Variants in FARP1 observed in about 807,000 individuals in gnomAD.
The protein encoded by FARP1 is FERM, ARHGEF and pleckstrin domain-containing protein 1.
In FARP1, 52 loss-of-function variants were observed where a neutral mutation model predicts 128.8. That is an observed-to-expected ratio of 0.40 (90% CI 0.32 to 0.51). The LOEUF is 0.51. Ranked by LOEUF, FARP1 falls within the 20% of genes least tolerant of loss-of-function variation. The probability of loss-of-function intolerance (pLI) is 0.45; values close to 1 mark genes in which losing one functional copy is unlikely to be tolerated. For missense variants in FARP1, 1,333 were observed against 1,367.9 expected, an observed-to-expected ratio of 0.97 and a Z score of 0.40; for synonymous variants, 580 against 551.8, an observed-to-expected ratio of 1.05 and a Z score of -0.72.
intron 5 of FARP1, among the ~76,000 whole-genome samples, chr13:98,368,691 G>A (rs1192581809): frequency 6.6e-6 from 1 of 152,162 alleles, no homozygotes; most frequent in East Asian, 1.9e-4. Context: ...CTCCCTTTGT[G>A]TTGCCATTAC....
intron 2 of FARP1, among the ~76,000 whole-genome samples, chr13:98,250,613 T>TGGGA (rs1422467948): frequency 1.3e-5 from 2 of 151,108 alleles, no homozygotes; most frequent in African/African-American, 4.9e-5. Context: ...CCCAGCTACT[T>TGGGA]GGGAGGCTGA....
At chr13:98,299,443 A>G (rs1246285312) in intron 2 of FARP1, among the ~76,000 whole-genome samples, 6 of 152,212 alleles carry the variant, frequency 3.9e-5, no homozygotes, top group Admixed American at 2.6e-4. Context: ...GGGGCTGTCT[A>G]CTGAAGTGAG....
chr13:98,442,539 G>T (rs1007217090), intron 24 of FARP1, among the ~76,000 whole-genome samples: 2 of 152,206 alleles, frequency 1.3e-5, no homozygotes, highest in African/African-American at 4.8e-5. Context: ...TCCCCTGAGT[G>T]TGCAGGTGTG....
chr13:98,433,277 A>G (rs773599364), intron 18 of FARP1: 1 of 152,246 alleles, frequency 6.6e-6, no homozygotes, highest in Non-Finnish European at 1.5e-5. Context: ...ACCGTTGTTA[A>G]TATCTAGAAT....
chr13:98,162,752 A>G (rs770783715), intron 1 of FARP1, among the ~76,000 whole-genome samples: 1 of 152,178 alleles, frequency 6.6e-6, no homozygotes, highest in Admixed American at 6.5e-5. Context: ...ATGCTCTAAC[A>G]ATGTTCTAGG....
Position 98,452,999 on chromosome 13 carries a change from T to C in FARP1, c.*4682T>C. On this transcript the variant is annotated 3_prime_UTR_variant, in exon 27 of 27. Coordinates refer to ENST00000319562, the MANE Select transcript of FARP1 (RefSeq NM_005766.4). ...CCCCACCCATCTGAGAGACTTCATC[T>C]GGCTGCAGCACAGTGAAGACTGTGT... The C allele has an allele frequency of 1.8e-6, 1 of 561,516 alleles. No homozygotes were observed. The allele number at this position is 561,516 out of a possible 1,614,324, so 34.8% of individuals were successfully genotyped here. A position where few individuals can be genotyped will look rare whatever the true frequency, so the allele number is the denominator to read the frequency against.
intron 2 of FARP1, among the ~76,000 whole-genome samples, chr13:98,313,158 G>A (rs1026651791): frequency 8.1e-5 from 11 of 135,638 alleles, no homozygotes; most frequent in African/African-American, 2.6e-4. Context: ...GAATCGGGTG[G>A]GTCATAATAC....
rs751722862 is a variant in FARP1, at chr13:98,439,216, G to A, written c.2433+20G>A. The stretch of plus-strand genomic sequence containing the variant: ...ATGACGGTGAGTACAGCACAGGCTC[G>A]TGGCCAGGGCCTGTCCTCGGGGGCA... On this transcript the variant is annotated intron_variant, in intron 21 of 26. Coordinates refer to ENST00000319562, the MANE Select transcript of FARP1 (RefSeq NM_005766.4). 1.3e-5 allele frequency: 21 copies of A among 1,569,506 alleles called. No homozygotes were observed. Among genetic ancestry groups the A allele is most frequent in the South Asian group, 5.6e-5 (5 of 88,498 alleles).
intron 13 of FARP1, chr13:98,399,665 C>T (rs1003326139): frequency 6.6e-6 from 1 of 152,194 alleles, no homozygotes; most frequent in Non-Finnish European, 1.5e-5. Context: ...GGGACCCAGG[C>T]CTTCAGATAC....
intron 2 of FARP1, among the ~76,000 whole-genome samples, chr13:98,318,630 G>A (rs1886847361): frequency 6.6e-6 from 1 of 152,206 alleles, no homozygotes; most frequent in African/African-American, 2.4e-5. Context: ...GCTTTCCAGG[G>A]CTGCCGCACT....
At chr13:98,304,361 T>C (rs1886046971) in intron 2 of FARP1, among the ~76,000 whole-genome samples, 2 of 152,172 alleles carry the variant, frequency 1.3e-5, no homozygotes, top group African/African-American at 4.8e-5. Flanking sequence ...GGAAGAAAAA[T>C]TATTTTAAAA....
chr13:98,321,225 C>T (rs1375941924), intron 2 of FARP1, among the ~76,000 whole-genome samples: 4 of 135,672 alleles, frequency 2.9e-5, no homozygotes, highest in South Asian at 2.6e-4. Flanking sequence ...TCTCTCTTTT[C>T]GCTTGTATCC....
chr13:98,219,811 A>G (rs1315558966), intron 2 of FARP1, among the ~76,000 whole-genome samples: 2 of 151,454 alleles, frequency 1.3e-5, no homozygotes, highest in Non-Finnish European at 2.9e-5. Flanking sequence ...GACTACAGGC[A>G]CGCATCACCA....
Position 98,446,224 on chromosome 13 carries a change from G to GC in FARP1, c.2904+20dup. On this transcript the variant is annotated intron_variant, in intron 25 of 26. Coordinates refer to ENST00000319562, the MANE Select transcript of FARP1 (RefSeq NM_005766.4). ...ACACCAGGTAAGTGTCTCGCACAGGGCAGGTGGCCCTGGGACCTTGGGGGT... is the reference window on the plus strand; with the variant it reads ...ACACCAGGTAAGTGTCTCGCACAGGGCCAGGTGGCCCTGGGACCTTGGGGGT... 6.4e-7 allele frequency: 1 copy of GC among 1,553,988 alleles called. No homozygotes were observed. Among genetic ancestry groups the GC allele is most frequent in the Non-Finnish European group, 8.9e-7 (1 of 1,126,444 alleles).
chr13:98,214,042 G>T (rs1165727027), intron 2 of FARP1, among the ~76,000 whole-genome samples: 1 of 152,190 alleles, frequency 6.6e-6, no homozygotes, highest in Non-Finnish European at 1.5e-5. Flanking sequence ...GGACAGAGCA[G>T]CCTGGGGGCC....
chr13:98,178,014 G>C (rs1878220978), intron 1 of FARP1: 1 of 151,964 alleles, frequency 6.6e-6, no homozygotes. Context: ...TTTATTAAAA[G>C]ACTGTCATAT....
At chr13:98,219,360 CTTTTTT>C (rs772970842) in intron 2 of FARP1, among the ~76,000 whole-genome samples, 1 of 144,958 alleles carries the variant, frequency 6.9e-6, no homozygotes, top group African/African-American at 2.5e-5. Context: ...ATTAAAAAGT[CTTTTTT>C]TTTTTTGAGA....
chr13:98,172,323 T>C (rs1566694885), intron 1 of FARP1, among the ~76,000 whole-genome samples: 1 of 151,214 alleles, frequency 6.6e-6, no homozygotes, highest in Non-Finnish European at 1.5e-5. Context: ...GCTCTGAAAA[T>C]AGGGCGTCAT....
intron 2 of FARP1, among the ~76,000 whole-genome samples, chr13:98,268,897 A>G (rs1884264255): frequency 6.8e-6 from 1 of 146,736 alleles, no homozygotes; most frequent in South Asian, 2.2e-4. Context: ...TTATTTTTTT[A>G]TTTTTATTTT....
Sources: gnomAD v4.1 joint callset for allele counts (sites outside exome capture counted in the v4.1 genomes callset) on GRCh38, gnomAD v4.1.1 for gene constraint, MANE v1.5 for transcripts, NCBI Gene and HGNC (gene_info 2026-07-23, HGNC 2026-07-21) for gene names.